Variants in CHL1 observed in about 807,000 individuals in gnomAD.
The protein encoded by CHL1 is neural cell adhesion molecule L1-like protein.
Under a neutral mutation model 141.9 loss-of-function variants are expected in CHL1, and 96 were observed. The observed-to-expected ratio is 0.68, with a 90% CI of 0.57 to 0.80. The LOEUF (loss-of-function observed/expected upper bound fraction) is 0.80, where lower values mean the gene tolerates loss of function less well. CHL1 is among the 30% of genes least tolerant of loss of function. The probability of loss-of-function intolerance (pLI) is 0.00; values close to 1 mark genes in which losing one functional copy is unlikely to be tolerated. For synonymous variants in CHL1, 613 were observed against 502.2 expected (o/e 1.22, Z -2.95); for missense variants, 1,820 against 1,457.2 (o/e 1.25, Z -4.05).
chr3:343,594 G>A (rs1457162872), intron 8 of CHL1, among the ~76,000 whole-genome samples: 3 of 152,188 alleles, frequency 2.0e-5, no homozygotes, highest in African/African-American at 7.2e-5. Flanking sequence ...AAATGCCTGA[G>A]TAAATCTGAG....
intron 26 of CHL1, among the ~76,000 whole-genome samples, chr3:400,491 AT>A (rs1218152970): frequency 6.1e-5 from 9 of 146,964 alleles, no homozygotes; most frequent in Non-Finnish European, 1.1e-4. Context: ...GAAAAAAAAA[AT>A]TAGCATTTCA....
At chr3:344,253 C>T (rs1421444243) in intron 8 of CHL1, among the ~76,000 whole-genome samples, 2 of 152,078 alleles carry the variant, frequency 1.3e-5, no homozygotes, top group Non-Finnish European at 2.9e-5. Flanking sequence ...AAAGTCATTG[C>T]ACATGACATG....
Position 242,562 on chromosome 3 carries a change from C to G in CHL1, c.-174-2051C>G, listed in dbSNP as rs374770366. Among the ~76,000 whole-genome samples, 5 of 151,844 alleles carry G rather than the reference C, an allele frequency of 3.3e-5. No individual in the cohort carries two copies. In the South Asian group the frequency reaches 6.3e-4, roughly 19 times the overall value. On this transcript the variant is annotated intron_variant, in intron 1 of 27. Transcript: ENST00000256509. ...AGTGAGCCGAGATTGTGCCACTGCA[C>G]TCCAGCCTGGGTAACAGAGTGGGAC...
At chr3:316,884 C>T (rs1288509740) in intron 2 of CHL1, among the ~76,000 whole-genome samples, 3 of 151,898 alleles carry the variant, frequency 2.0e-5, no homozygotes, top group African/African-American at 7.3e-5. Context: ...CATTAAATGC[C>T]ATTGTTTCAA....
chr3:333,124 A>ATTTTTTTTGTTTTTTTTTTTTTTTTTT (rs879790982), intron 5 of CHL1, among the ~76,000 whole-genome samples: 2 of 83,314 alleles, frequency 2.4e-5, no homozygotes, highest in Non-Finnish European at 4.3e-5. Flanking sequence ...TAATTGCTCT[A>ATTTTTTTTGTTTTTTTTTTTTTTTTTT]TTTTTTTTAT....
intron 11 of CHL1, among the ~76,000 whole-genome samples, chr3:358,144 C>A (rs1407502413): frequency 6.6e-6 from 1 of 152,138 alleles, no homozygotes; most frequent in African/African-American, 2.4e-5. Flanking sequence ...CTGTAAAAGT[C>A]CAACACGAGT....
At chr3:266,593 G>A (rs1162891653) in intron 2 of CHL1, among the ~76,000 whole-genome samples, 1 of 151,266 alleles carries the variant, frequency 6.6e-6, no homozygotes, top group Non-Finnish European at 1.5e-5. Context: ...CAACAGGACA[G>A]AGGCTTACTT....
At position 365,965 on chromosome 3, in the gene CHL1, G is replaced by C. The variant is rs1559315544; in HGVS notation, c.1601G>C (p.Arg534Thr). 1 of 1,613,034 alleles carries C rather than the reference G, an allele frequency of 6.2e-7. No individual in the cohort carries two copies. The highest frequency in any genetic ancestry group is 8.5e-7 in the Non-Finnish European group (1 of 1,179,394). The stretch of plus-strand genomic sequence containing the variant: ...GTAAAAACAGATGCTACAAAACTTA[G>C]AGTTTCTCCTAAGAATCCTCGTATC... Reference protein sequence around the residue: ...NLDIRNATKLRVSPKNPRIPK... With the variant: ...NLDIRNATKLTVSPKNPRIPK... The change falls in exon 15 of 28, where the codon AGA becomes ACA. Residue 534 changes from arginine (R) to threonine (T), a missense_variant. Physicochemically the swap from Arg to Thr is moderately conservative, Grantham distance 71 (BLOSUM62 -1). Transcript: ENST00000256509.
chr3:214,477 G>T (rs1278598288), intron 1 of CHL1, among the ~76,000 whole-genome samples: 1 of 152,132 alleles, frequency 6.6e-6, no homozygotes. Flanking sequence ...TTTTTTAAGA[G>T]ACATCAGTGT....
intron 15 of CHL1, among the ~76,000 whole-genome samples, chr3:372,825 CT>C (rs112448072): frequency 0.029 from 4,280 of 145,584 alleles, 89 homozygotes; most frequent in Non-Finnish European, 0.036. Flanking sequence ...TCTTTTCTTT[CT>C]TTTTTTTTTT....
At position 340,854 on chromosome 3, in the gene CHL1, T is replaced by C. The variant is rs112090546; in HGVS notation, c.446T>C (p.Ile149Thr). The C allele has an allele frequency of 5.0e-6, 8 of 1,612,174 alleles. No individual in the cohort carries two copies. In the African/African-American group the frequency reaches 8.0e-5, roughly 16 times the overall value. The part of the protein sequence containing the change: ...DPLEVEEGDP[I>T]VLPCNPPKGL... ...CTTGAAGTGGAGGAGGGAGATCCAA[T>C]TGTCCTCCCATGCAATCCTCCCAAA... is the stretch of plus-strand genomic sequence containing the variant. The change falls in exon 6 of 28, where the codon ATT becomes ACT. Residue 149 changes from isoleucine (I) to threonine (T), a missense_variant. Transcript: ENST00000256509.
At chr3:393,367 T>C (rs1708405838) in intron 23 of CHL1, among the ~76,000 whole-genome samples, 1 of 152,154 alleles carries the variant, frequency 6.6e-6, no homozygotes, top group South Asian at 2.1e-4. Context: ...TTAAGATTCT[T>C]TTAAATGTCA....
chr3:203,368 A>T (rs935450820), intron 1 of CHL1, among the ~76,000 whole-genome samples: 23 of 152,266 alleles, frequency 1.5e-4, no homozygotes, highest in African/African-American at 5.3e-4. Flanking sequence ...CTGAATGCCC[A>T]GGTGGCAGAA....
At chr3:265,810 G>A (rs911080616) in intron 2 of CHL1, among the ~76,000 whole-genome samples, 2 of 152,164 alleles carry the variant, frequency 1.3e-5, no homozygotes, top group Admixed American at 6.5e-5. Context: ...GGAGAGTGAG[G>A]TAGTAAATTG....
At chr3:373,247 C>T (rs1312617287) in intron 15 of CHL1, among the ~76,000 whole-genome samples, 1 of 152,236 alleles carries the variant, frequency 6.6e-6, no homozygotes, top group African/African-American at 2.4e-5. Flanking sequence ...GCCACCCCTC[C>T]CCCTAGGGGC....
chr3:400,525 T>C (rs1379371744), intron 26 of CHL1, among the ~76,000 whole-genome samples: 4 of 149,826 alleles, frequency 2.7e-5, no homozygotes, highest in Non-Finnish European at 5.9e-5. Flanking sequence ...ACTAAGAGAA[T>C]CTACTAGGTC....
At chr3:399,774 A>C (rs1708973569) in intron 26 of CHL1, among the ~76,000 whole-genome samples, 1 of 152,230 alleles carries the variant, frequency 6.6e-6, no homozygotes, top group Non-Finnish European at 1.5e-5. Context: ...GTGTTTTAAG[A>C]AGTGACCCAT....
intron 2 of CHL1, among the ~76,000 whole-genome samples, chr3:307,656 C>T (rs780584220): frequency 5.3e-5 from 8 of 152,082 alleles, no homozygotes; most frequent in Admixed American, 1.3e-4. Context: ...ATATATACAA[C>T]ACTACTTGTT....
rs768679530 is a variant in CHL1 at position 382,259 on chromosome 3, G to T, written c.1957G>T (p.Asp653Tyr). The T allele has an allele frequency of 4.3e-6, 7 of 1,613,538 alleles. No homozygotes were observed. The Admixed American group carries it at 1.2e-4, about 27-fold the overall frequency. The stretch of plus-strand genomic sequence containing the variant: ...TCGGCTGACCTGGGAAGCTGGAGCT[G>T]ACCACAACAGCAATATTAGCGGTAG... ...SVRLTWEAGA[D>Y]HNSNISEYIV... is the part of the protein sequence containing the mutation. The change falls in exon 17 of 28, where the codon GAC (aspartate) becomes TAC (tyrosine). Residue 653 changes from aspartate to tyrosine, a missense_variant. Transcript: ENST00000256509.
Sources: allele counts gnomAD v4.1 joint callset (sites outside exome capture counted in the v4.1 genomes callset), GRCh38; gene constraint gnomAD v4.1.1; transcripts MANE v1.5; gene names NCBI Gene and HGNC (gene_info 2026-07-23, HGNC 2026-07-21).